GABBR2: variants seen among roughly 807,000 people sequenced by gnomAD.
The protein encoded by GABBR2 is G-protein coupled receptor 51.
In GABBR2, 23 loss-of-function variants were observed where a neutral mutation model predicts 105.6. That is an observed-to-expected ratio of 0.22 (90% CI 0.16 to 0.31). The LOEUF is 0.31. Among genes scored for constraint, GABBR2 ranks in the 10% least tolerant of loss-of-function variants. GABBR2 has a pLI of 1.00. For missense variants in GABBR2, 734 were observed against 1,245.5 expected, an observed-to-expected ratio of 0.59 and a Z score of 6.18; for synonymous variants, 478 against 499.7, an observed-to-expected ratio of 0.96 and a Z score of 0.58.
chr9:98,296,057 G>T (rs1490146320), intron 17 of GABBR2, among the ~76,000 whole-genome samples: 1 of 152,214 alleles, frequency 6.6e-6, no homozygotes, highest in East Asian at 1.9e-4. Context: ...GCTATGGTCT[G>T]AATGTGTCCC....
Position 98,293,811 on chromosome 9 carries a change from A to C in GABBR2, c.2634T>G (p.Pro878=). The change falls in exon 18 of 19, where the codon CCT becomes CCG. Residue 878 remains proline (P), a synonymous_variant. Coordinates refer to ENST00000259455, the MANE Select transcript of GABBR2 (RefSeq NM_005458.8). ...TTEPSRTCKD[P]IEDINSPEHI... Reference sequence around the variant, plus strand: ...GTTCTGGAGAGTTTATATCTTCTATAGGATCTTTGCATGTTCGAGAGGGCT... The same window carrying C: ...GTTCTGGAGAGTTTATATCTTCTATCGGATCTTTGCATGTTCGAGAGGGCT... The C allele has an allele frequency of 6.3e-7, 1 of 1,594,172 alleles. No individual in the cohort carries two copies. Among genetic ancestry groups the C allele is most frequent in the Non-Finnish European group, 8.6e-7 (1 of 1,162,366 alleles).
At chr9:98,311,041 G>C (rs1296245430) in intron 14 of GABBR2, 54 bp downstream of exon 14, 7 of 953,192 alleles carry the variant, frequency 7.3e-6, no homozygotes, top group African/African-American at 3.2e-5. Context: ...CTGGGAGACA[G>C]AGGCCCAACA....
At chr9:98,329,792 C>G (rs1458495639) in intron 13 of GABBR2, among the ~76,000 whole-genome samples, 1 of 152,018 alleles carries the variant, frequency 6.6e-6, no homozygotes, top group African/African-American at 2.4e-5. Flanking sequence ...TCAATGATGG[C>G]TAACATTTTG....
chr9:98,461,722 G>C (rs1484496189), intron 6 of GABBR2, among the ~76,000 whole-genome samples: 1 of 152,184 alleles, frequency 6.6e-6, no homozygotes, highest in Non-Finnish European at 1.5e-5. Flanking sequence ...AAGAAAGGAG[G>C]CTTAATTGGC....
At chr9:98,309,863 C>T (rs1830609331) in intron 14 of GABBR2, among the ~76,000 whole-genome samples, 1 of 152,220 alleles carries the variant, frequency 6.6e-6, no homozygotes, top group Non-Finnish European at 1.5e-5. Flanking sequence ...CAATCTTTGT[C>T]TAGGGTCCTC....
rs1235932813 is a variant in GABBR2, at chr9:98,541,942, C to T, written c.561G>A (p.Leu187=). ...TCCACTGGTAGTGCTTGAGCAACTTCAGAATGGCTGGATTCACCGCATTGT... is the reference window on the plus strand; with the variant it reads ...TCCACTGGTAGTGCTTGAGCAACTTTAGAATGGCTGGATTCACCGCATTGT... ...PSDNAVNPAI[L]KLLKHYQWKR... is the part of the protein sequence containing the mutation. The change falls in exon 3 of 19, where the codon CTG becomes CTA. Residue 187 remains leucine, a synonymous_variant. Transcript: ENST00000259455. The T allele has an allele frequency of 1.2e-6, 2 of 1,614,208 alleles. No individual in the cohort carries two copies. Among genetic ancestry groups the T allele is most frequent in the South Asian group, 2.2e-5 (2 of 91,090 alleles).
intron 1 of GABBR2, among the ~76,000 whole-genome samples, chr9:98,602,354 C>A (rs1022548012): frequency 6.6e-6 from 1 of 151,530 alleles, no homozygotes; most frequent in Non-Finnish European, 1.5e-5. Context: ...CACCCGTAAT[C>A]CCAGCTACTT....
chr9:98,492,559 C>T (rs1296168907), intron 4 of GABBR2, among the ~76,000 whole-genome samples: 5 of 151,894 alleles, frequency 3.3e-5, no homozygotes. Flanking sequence ...TAGTCTTTTT[C>T]TCAAACATCC....
intron 2 of GABBR2, among the ~76,000 whole-genome samples, chr9:98,555,062 T>G (rs1407357053): frequency 6.6e-6 from 1 of 152,228 alleles, no homozygotes; most frequent in East Asian, 1.9e-4. Context: ...ATTTCAGGGC[T>G]GTCGTGAGGG....
intron 3 of GABBR2, among the ~76,000 whole-genome samples, chr9:98,541,539 CT>C (rs533852185): frequency 4.6e-5 from 7 of 151,994 alleles, no homozygotes; most frequent in South Asian, 2.1e-4. Flanking sequence ...AACACACCCC[CT>C]GGTAGAACTT....
intron 4 of GABBR2, among the ~76,000 whole-genome samples, chr9:98,489,674 C>T (rs1827134228): frequency 6.6e-6 from 1 of 152,122 alleles, no homozygotes; most frequent in Non-Finnish European, 1.5e-5. Flanking sequence ...GATTTTTCAG[C>T]CCCCGAGAGA....
chr9:98,568,304 G>GGT (rs1554718093), intron 2 of GABBR2, among the ~76,000 whole-genome samples: 1 of 125,598 alleles, frequency 8.0e-6, no homozygotes, highest in Non-Finnish European at 1.6e-5. Flanking sequence ...ACAGTCAAAT[G>GGT]GGGGGGCAGA....
At chr9:98,592,565 C>A (rs1460137641) in intron 1 of GABBR2, among the ~76,000 whole-genome samples, 1 of 152,180 alleles carries the variant, frequency 6.6e-6, no homozygotes, top group Non-Finnish European at 1.5e-5. Flanking sequence ...AGCCTGCACT[C>A]AAACCCAGGC....
intron 1 of GABBR2, among the ~76,000 whole-genome samples, chr9:98,613,494 G>T (rs1829537840): frequency 1.3e-5 from 2 of 152,148 alleles, no homozygotes; most frequent in Admixed American, 1.3e-4. Context: ...TTGAATCTGG[G>T]CTGGCCTTGT....
chr9:98,463,594 TC>T, intron 6 of GABBR2, among the ~76,000 whole-genome samples: 1 of 45,380 alleles, frequency 2.2e-5, no homozygotes, highest in South Asian at 6.3e-4. Flanking sequence ...CCTCGCCCTC[TC>T]GCTCTCCGTC....
chr9:98,598,332 A>C (rs1281818380), intron 1 of GABBR2, among the ~76,000 whole-genome samples: 4 of 152,186 alleles, frequency 2.6e-5, no homozygotes, highest in Non-Finnish European at 5.9e-5. Flanking sequence ...CTACAGGTAG[A>C]AAGTATGAGA....
chr9:98,693,314 C>A (rs1830708432), intron 1 of GABBR2, among the ~76,000 whole-genome samples: 1 of 145,052 alleles, frequency 6.9e-6, no homozygotes, highest in African/African-American at 2.6e-5. Flanking sequence ...GGGCATTGAG[C>A]AGTTTCCATG....
chr9:98,417,098 G>C (rs1832702278), intron 7 of GABBR2, among the ~76,000 whole-genome samples: 1 of 152,322 alleles, frequency 6.6e-6, no homozygotes, highest in East Asian at 1.9e-4. Flanking sequence ...CCGAGGGCAG[G>C]AAAGTGCTCT....
intron 4 of GABBR2, among the ~76,000 whole-genome samples, chr9:98,488,917 T>C (rs1827117449): frequency 1.3e-5 from 2 of 152,216 alleles, no homozygotes; most frequent in South Asian, 4.1e-4. Context: ...TATTAAACTT[T>C]CGTGAGCTTC....
Sources: allele counts gnomAD v4.1 joint callset (sites outside exome capture counted in the v4.1 genomes callset), GRCh38; gene constraint gnomAD v4.1.1; transcripts MANE v1.5; gene names NCBI Gene and HGNC (gene_info 2026-07-23, HGNC 2026-07-21).